Variants in L3MBTL3 observed in about 807,000 individuals in gnomAD.
L3MBTL3 encodes L3MBTL histone methyl-lysine binding protein 3, also known as lethal(3)malignant brain tumor-like protein 3.
A neutral mutation model predicts 102.3 loss-of-function variants in L3MBTL3; 27 were observed. The observed-to-expected ratio is 0.26, with a 90% CI of 0.19 to 0.36. The LOEUF (loss-of-function observed/expected upper bound fraction) is 0.36, where lower values mean the gene tolerates loss of function less well. L3MBTL3 is among the 10% of genes least tolerant of loss of function. The pLI is 1.00. For missense variants in L3MBTL3, 798 were observed against 955.3 expected, an observed-to-expected ratio of 0.84 and a Z score of 2.17; for synonymous variants, 340 against 320.9, an observed-to-expected ratio of 1.06 and a Z score of -0.64.
At chr6:130,033,344 A>G (rs1779848921) in intron 2 of L3MBTL3, among the ~76,000 whole-genome samples, 1 of 151,956 alleles carries the variant, frequency 6.6e-6, no homozygotes, top group African/African-American at 2.4e-5. Context: ...CAAGTTTGAC[A>G]GTTAACGGTT....
At chr6:130,117,333 T>C (rs1294450382) in intron 19 of L3MBTL3, among the ~76,000 whole-genome samples, 25 of 151,216 alleles carry the variant, frequency 1.7e-4, no homozygotes, top group Admixed American at 1.5e-3. Context: ...TAGTATTCCA[T>C]GGTGTATATG....
At chr6:130,067,818 A>AT (rs912620178) in intron 11 of L3MBTL3, among the ~76,000 whole-genome samples, 19 of 152,284 alleles carry the variant, frequency 1.2e-4, no homozygotes, top group Middle Eastern at 3.4e-3. Context: ...AGGGGAGGAC[A>AT]TTTCCCTTAT....
intron 13 of L3MBTL3, among the ~76,000 whole-genome samples, chr6:130,073,053 C>T (rs1024542759): frequency 2.6e-5 from 4 of 152,078 alleles, no homozygotes; most frequent in South Asian, 2.1e-4. Context: ...TCTTCTGTTC[C>T]TCCTATTTAC....
chr6:130,043,089 T>G (rs1437058875), intron 3 of L3MBTL3, among the ~76,000 whole-genome samples: 1 of 152,198 alleles, frequency 6.6e-6, no homozygotes. Context: ...GTTTTGACTC[T>G]TACCGTGACA....
chr6:130,122,857 G>A (rs1786330607), intron 20 of L3MBTL3, among the ~76,000 whole-genome samples: 1 of 152,164 alleles, frequency 6.6e-6, no homozygotes, highest in African/African-American at 2.4e-5. Context: ...GTGTAAAATG[G>A]ATGTAGTAAT....
At chr6:130,039,079 A>G (rs1041974908) in intron 2 of L3MBTL3, among the ~76,000 whole-genome samples, 3 of 152,112 alleles carry the variant, frequency 2.0e-5, no homozygotes, top group Admixed American at 6.6e-5. Context: ...AAAATCTTGA[A>G]TTTTTGAACA....
intron 8 of L3MBTL3, among the ~76,000 whole-genome samples, chr6:130,056,544 C>T (rs964404083): frequency 6.6e-6 from 1 of 152,206 alleles, no homozygotes; most frequent in African/African-American, 2.4e-5. Flanking sequence ...AATAGCCCCA[C>T]CTGCCCTAGG....
chr6:130,080,701 C>A (rs1433683874), intron 14 of L3MBTL3, among the ~76,000 whole-genome samples: 1 of 151,824 alleles, frequency 6.6e-6, no homozygotes, highest in African/African-American at 2.4e-5. Flanking sequence ...TTTAAAAATT[C>A]AAAATTGCAT....
At chr6:130,122,489 A>G (rs750658468) in intron 20 of L3MBTL3, among the ~76,000 whole-genome samples, 5 of 152,180 alleles carry the variant, frequency 3.3e-5, no homozygotes, top group Non-Finnish European at 4.4e-5. Context: ...TTATCTGTCT[A>G]TCCAGGAGGA....
At chr6:130,103,365 A>G (rs893575546) in intron 18 of L3MBTL3, among the ~76,000 whole-genome samples, 3 of 152,256 alleles carry the variant, frequency 2.0e-5, no homozygotes, top group Non-Finnish European at 4.4e-5. Flanking sequence ...GATATATCTT[A>G]TAGGCCATTA....
chr6:130,049,222 A>G, intron 3 of L3MBTL3, 60 bp from the exon 4 acceptor site: 1 of 935,374 alleles, frequency 1.1e-6, no homozygotes. Flanking sequence ...CAGCCATTAA[A>G]TAATTAATGA....
chr6:130,139,908 G>A lies in L3MBTL3; in HGVS notation c.*155G>A. 1.5e-6 allele frequency: 1 copy of A among 645,694 alleles called. No individual in the cohort carries two copies. 40.0% of individuals were successfully genotyped at this position (645,694 alleles called of 1,614,324 possible). A position where few individuals can be genotyped will look rare whatever the true frequency, so the allele number is the denominator to read the frequency against. On this transcript the variant is annotated 3_prime_UTR_variant, in exon 23 of 23. Transcript: ENST00000361794. ...ATATTACTCAAGAGACAATATATAT[G>A]AATTCTTATGAAAGTGCTTGAGCTT...
At chr6:130,034,868 G>A (rs993821189) in intron 2 of L3MBTL3, among the ~76,000 whole-genome samples, 5 of 152,202 alleles carry the variant, frequency 3.3e-5, no homozygotes, top group Admixed American at 3.3e-4. Flanking sequence ...GGAATGGTAG[G>A]AACCATAAAT....
At chr6:130,108,007 A>G (rs956615040) in intron 19 of L3MBTL3, among the ~76,000 whole-genome samples, 1 of 152,184 alleles carries the variant, frequency 6.6e-6, no homozygotes, top group Non-Finnish European at 1.5e-5. Flanking sequence ...TCCAGAAAAG[A>G]GCAGCAGAAT....
chr6:130,084,969 A>G (rs1028073862), intron 15 of L3MBTL3, among the ~76,000 whole-genome samples: 2 of 152,146 alleles, frequency 1.3e-5, no homozygotes, highest in East Asian at 1.9e-4. Context: ...AGTTGGGACT[A>G]TAGGCACATG....
At chr6:130,042,264 A>G (rs1490346103) in intron 2 of L3MBTL3, among the ~76,000 whole-genome samples, 4 of 152,146 alleles carry the variant, frequency 2.6e-5, no homozygotes, top group Non-Finnish European at 5.9e-5. Context: ...CTGTTTTCCT[A>G]TTTCCTAGAA....
At chr6:130,026,760 A>G (rs1779375314) in intron 2 of L3MBTL3, among the ~76,000 whole-genome samples, 1 of 152,110 alleles carries the variant, frequency 6.6e-6, no homozygotes, top group African/African-American at 2.4e-5. Context: ...TTTGTTCTCT[A>G]TAGGAAGAGA....
Position 130,118,407 on chromosome 6 carries a change from CAT to C in L3MBTL3, c.1887-2471_1887-2470del, listed in dbSNP as rs1273923012. Among the ~76,000 whole-genome samples, 4 of 152,274 alleles carry C rather than the reference CAT, an allele frequency of 2.6e-5. No homozygotes were observed. In the East Asian group the frequency reaches 7.7e-4, roughly 29 times the overall value. ...TTCTTATTAATATTAACTGTTTCCA[CAT>C]GTCTGGATGTGCTCGATTAAGATTC... On this transcript the variant is annotated intron_variant, in intron 19 of 22. Transcript: ENST00000361794.
chr6:130,029,056 A>G (rs1200586917), intron 2 of L3MBTL3, among the ~76,000 whole-genome samples: 1 of 152,206 alleles, frequency 6.6e-6, no homozygotes, highest in Non-Finnish European at 1.5e-5. Flanking sequence ...AGTTTTATCA[A>G]TACCTACTAT....
Sources: gnomAD v4.1 joint callset for allele counts (sites outside exome capture counted in the v4.1 genomes callset) on GRCh38, gnomAD v4.1.1 for gene constraint, MANE v1.5 for transcripts, NCBI Gene and HGNC (gene_info 2026-07-23, HGNC 2026-07-21) for gene names.